The following CYRIB variants were observed in gnomAD, a reference collection of about 807,000 sequenced individuals.
The protein encoded by CYRIB is CYFIP related Rac1 interactor B.
A neutral mutation model predicts 44.2 loss-of-function variants in CYRIB; 8 were observed. That is an observed-to-expected ratio of 0.18 (90% CI 0.11 to 0.33). The LOEUF (loss-of-function observed/expected upper bound fraction) is 0.33, where lower values mean the gene tolerates loss of function less well. CYRIB is among the 10% of genes least tolerant of loss of function. The probability of loss-of-function intolerance (pLI) is 1.00; values close to 1 mark genes in which losing one functional copy is unlikely to be tolerated. For synonymous variants in CYRIB, 131 were observed against 127.2 expected, an observed-to-expected ratio of 1.03 and a Z score of -0.20; for missense variants, 185 against 382.8, an observed-to-expected ratio of 0.48 and a Z score of 4.31.
intron 1 of CYRIB, among the ~76,000 whole-genome samples, chr8:129,982,108 C>G (rs2096261972): frequency 1.3e-5 from 2 of 152,192 alleles, no homozygotes; most frequent in Admixed American, 1.3e-4. Flanking sequence ...AGTCCCAAGT[C>G]CTGGAAAACC....
intron 5 of CYRIB, 119 bp from the exon 8 acceptor site, chr8:129,855,866 G>A (rs2045958713): frequency 2.2e-6 from 2 of 903,344 alleles, no homozygotes; most frequent in Non-Finnish European, 1.6e-6. Flanking sequence ...AAAAACAGAT[G>A]ATCTAAACAT....
At chr8:129,879,334 G>A (rs2060124591) in intron 3 of CYRIB, 55 bp downstream of exon 5, 9 of 1,165,022 alleles carry the variant, frequency 7.7e-6, no homozygotes, top group Non-Finnish European at 1.0e-5. Context: ...TTTAGTGCAA[G>A]ACAAACGCAG....
chr8:129,908,753 T>C (rs2076666996), intron 1 of CYRIB, among the ~76,000 whole-genome samples: 1 of 152,172 alleles, frequency 6.6e-6, no homozygotes, highest in East Asian at 1.9e-4. Flanking sequence ...ACACCATGCT[T>C]ACTACCACAA....
intron 4 of CYRIB, among the ~76,000 whole-genome samples, chr8:129,867,776 G>C (rs1374921350): frequency 6.6e-6 from 1 of 152,048 alleles, no homozygotes; most frequent in Admixed American, 6.6e-5. Context: ...CTATGAATAA[G>C]GCGGCCATAC....
At chr8:130,009,897 G>A (rs1348272516) in intron 1 of CYRIB, among the ~76,000 whole-genome samples, 2 of 152,226 alleles carry the variant, frequency 1.3e-5, no homozygotes, top group African/African-American at 4.8e-5. Context: ...CATGCAATAG[G>A]CTTTGTTGAG....
intron 1 of CYRIB, among the ~76,000 whole-genome samples, chr8:129,979,166 T>A (rs1211158226): frequency 2.6e-5 from 4 of 151,800 alleles, no homozygotes; most frequent in African/African-American, 9.7e-5. Context: ...ATTAATTAAT[T>A]AATTAAATAA....
At chr8:129,873,079 C>T (rs1049840452) in intron 3 of CYRIB, among the ~76,000 whole-genome samples, 12 of 151,892 alleles carry the variant, frequency 7.9e-5, no homozygotes, top group African/African-American at 2.9e-4. Context: ...ATTTTAAACT[C>T]AACATATGTA....
rs535152171 is a variant in CYRIB at position 129,989,752 on chromosome 8, G to A, written c.-295-18757C>T. On this transcript the variant is annotated intron_variant, in intron 1 of 14. Coordinates refer to the CYRIB transcript ENST00000401979. ...GTTGGTGTGCTGCACCCATTAACTC[G>A]TCATTTACATTAGGTATATCTCCTA... Among the ~76,000 whole-genome samples the A allele has an allele frequency of 1.2e-4, 18 of 149,756 alleles. No individual in the cohort carries two copies. In the East Asian group the frequency reaches 1.6e-3, roughly 13 times the overall value.
intron 4 of CYRIB, among the ~76,000 whole-genome samples, chr8:129,867,404 G>A (rs966090216): frequency 3.5e-5 from 5 of 141,426 alleles, no homozygotes; most frequent in African/African-American, 5.3e-5. Context: ...GGATTACAGG[G>A]TGTGTGCCAC....
At chr8:130,014,096 C>T (rs771279015) in intron 1 of CYRIB, among the ~76,000 whole-genome samples, 1 of 152,136 alleles carries the variant, frequency 6.6e-6, no homozygotes, top group African/African-American at 2.4e-5. Context: ...AAACGAGAAC[C>T]CTAGCTCTCC....
chr8:129,896,533 G>A (rs1400287108), intron 2 of CYRIB: 1 of 152,190 alleles, frequency 6.6e-6, no homozygotes, highest in Non-Finnish European at 1.5e-5. Flanking sequence ...TTATCGCAAT[G>A]AGAGTTCAAA....
intron 1 of CYRIB, among the ~76,000 whole-genome samples, chr8:130,001,795 A>G (rs1592214192): frequency 6.6e-6 from 1 of 152,096 alleles, no homozygotes; most frequent in Non-Finnish European, 1.5e-5. Flanking sequence ...AATAATTTCT[A>G]TAGGACCTGA....
intron 1 of CYRIB, among the ~76,000 whole-genome samples, chr8:130,014,564 G>T (rs1177201140): frequency 6.6e-6 from 1 of 152,220 alleles, no homozygotes; most frequent in Non-Finnish European, 1.5e-5. Flanking sequence ...CATAGCTAAG[G>T]ATCCTAAGAG....
chr8:129,842,385 A>G (rs921527711), intron 11 of CYRIB, among the ~76,000 whole-genome samples, 180 bp from the exon 14 acceptor site: 4 of 152,148 alleles, frequency 2.6e-5, no homozygotes, highest in Non-Finnish European at 5.9e-5. Context: ...CCCCTTTCTA[A>G]CTGAATAGCC....
At chr8:129,953,613 C>T (rs1564379090) in intron 2 of CYRIB, among the ~76,000 whole-genome samples, 1 of 152,186 alleles carries the variant, frequency 6.6e-6, no homozygotes, top group Non-Finnish European at 1.5e-5. Flanking sequence ...ATTTTGTCAC[C>T]ACTGTATCCC....
exon 12 of CYRIB, chr8:129,841,983 G>C: frequency 1.7e-6 from 1 of 602,540 alleles, no homozygotes; most frequent in Non-Finnish European, 2.9e-6. Context: ...GCACAGAAAA[G>C]AAGTCTTAAG....
Position 129,848,590 on chromosome 8 carries a change from A to T in CYRIB, c.840+653T>A, listed in dbSNP as rs75978090. Among the ~76,000 whole-genome samples the T allele has an allele frequency of 2.9e-3, 444 of 152,294 alleles. 2 individuals carry two copies. The highest frequency in any genetic ancestry group is 0.01 in the African/African-American group (435 of 41,574). On this transcript the variant is annotated intron_variant, in intron 10 of 11. Transcript: ENST00000519824. ...CCTACTGGCTGTCTTTTTAATTTCAAGACAGGGTCTCTCTCTCACCCAGAC... is the reference window on the plus strand; with the variant it reads ...CCTACTGGCTGTCTTTTTAATTTCATGACAGGGTCTCTCTCTCACCCAGAC...
chr8:130,002,353 C>G (rs977854903), intron 1 of CYRIB, among the ~76,000 whole-genome samples: 4 of 151,272 alleles, frequency 2.6e-5, no homozygotes, highest in African/African-American at 7.3e-5. Flanking sequence ...CCCAGCTGCT[C>G]GGGACGCTGA....
At chr8:129,953,155 A>G (rs1022342895) in intron 2 of CYRIB, among the ~76,000 whole-genome samples, 1 of 152,180 alleles carries the variant, frequency 6.6e-6, no homozygotes, top group Admixed American at 6.5e-5. Context: ...AAGGCACACT[A>G]CTTACTCCAA....
Sources: allele counts gnomAD v4.1 joint callset (sites outside exome capture counted in the v4.1 genomes callset), GRCh38; gene constraint gnomAD v4.1.1; transcripts MANE v1.5; gene names NCBI Gene and HGNC (gene_info 2026-07-23, HGNC 2026-07-21).